Variants in PTGFR observed in about 807,000 individuals in gnomAD.
The protein encoded by PTGFR is prostaglandin F receptor.
A neutral mutation model predicts 26.2 loss-of-function variants in PTGFR; 15 were observed. The observed-to-expected ratio is 0.57, with a 90% CI of 0.38 to 0.88. The LOEUF (loss-of-function observed/expected upper bound fraction) is 0.88, where lower values mean the gene tolerates loss of function less well. Ranked by LOEUF, PTGFR falls within the 40% of genes least tolerant of loss-of-function variation. The probability of loss-of-function intolerance (pLI) is 0.00; values close to 1 mark genes in which losing one functional copy is unlikely to be tolerated. For missense variants in PTGFR, 369 were observed against 427.2 expected (o/e 0.86, Z 1.20); for synonymous variants, 165 against 151.1 (o/e 1.09, Z -0.68).
chr1:78,497,412 A>G (rs1014106007), intron 2 of PTGFR, among the ~76,000 whole-genome samples: 2 of 152,160 alleles, frequency 1.3e-5, no homozygotes, highest in African/African-American at 4.8e-5. Flanking sequence ...TTCTTCCTAG[A>G]TGAATCACTT....
At chr1:78,502,740 C>A (rs1649740166) in intron 2 of PTGFR, among the ~76,000 whole-genome samples, 1 of 152,104 alleles carries the variant, frequency 6.6e-6, no homozygotes, top group Admixed American at 6.6e-5. Flanking sequence ...ATTGATTTGA[C>A]AAACATTTAT....
chr1:78,491,325 C>G (rs1439879403), intron 1 of PTGFR, 89 bp downstream of exon 1: 1 of 152,666 alleles, frequency 6.6e-6, no homozygotes, highest in African/African-American at 2.4e-5. Flanking sequence ...GACACCCAGC[C>G]ACAGCTTCTG....
intron 1 of PTGFR, 47 bp downstream of exon 1, chr1:78,491,283 C>G (rs2100341248): frequency 6.6e-6 from 1 of 152,508 alleles, no homozygotes; most frequent in East Asian, 1.9e-4. Context: ...CTTCGCTTAT[C>G]TAGACCCAGA....
At chr1:78,513,094 G>T (rs1213421527) in intron 2 of PTGFR, among the ~76,000 whole-genome samples, 1 of 151,978 alleles carries the variant, frequency 6.6e-6, no homozygotes, top group African/African-American at 2.4e-5. Flanking sequence ...TGTGAGAAAG[G>T]ACTAACACAG....
intron 2 of PTGFR, among the ~76,000 whole-genome samples, chr1:78,526,663 G>C (rs1650382006): frequency 6.6e-6 from 1 of 152,044 alleles, no homozygotes; most frequent in Non-Finnish European, 1.5e-5. Context: ...ATATATCATT[G>C]TTTAGCAAGT....
At chr1:78,534,618 G>A (rs760719356) in intron 2 of PTGFR, among the ~76,000 whole-genome samples, 6 of 152,082 alleles carry the variant, frequency 3.9e-5, no homozygotes, top group Non-Finnish European at 7.4e-5. Context: ...AGTCTCTGTA[G>A]TTCTGCTCTC....
rs550290005 is a variant in PTGFR, at chr1:78,528,554, C to T, written c.799-7852C>T. Among the ~76,000 whole-genome samples the T allele has an allele frequency of 1.6e-4, 25 of 152,202 alleles. No homozygotes were observed. The South Asian group carries it at 4.1e-3, about 25-fold the overall frequency. ...GCTCAACTCTTTTCTGTGTGTTCCA[C>T]GTGCCTTAATTTGTTGGTCTTCTAG... On this transcript the variant is annotated intron_variant, in intron 2 of 2. Coordinates refer to ENST00000370757, the MANE Select transcript of PTGFR (RefSeq NM_000959.4).
chr1:78,501,347 AACCTGAT>A (rs934286411), intron 2 of PTGFR, among the ~76,000 whole-genome samples: 1 of 152,204 alleles, frequency 6.6e-6, no homozygotes, highest in African/African-American at 2.4e-5. Context: ...ACCCCAATTT[AACCTGAT>A]ACATCAGTGT....
At position 78,491,070 on chromosome 1, in the gene PTGFR, G is replaced by C. The variant is rs1050274883; in HGVS notation, c.-239G>C. On this transcript the variant is annotated 5_prime_UTR_variant, in exon 1 of 3. Transcript: ENST00000370757. Reference sequence around the variant, plus strand: ...CCCGCAGTTTCCGCGCTAAGGGAACGAGTGCGCGGAGGGGACGAGCGGCTG... The same window carrying C: ...CCCGCAGTTTCCGCGCTAAGGGAACCAGTGCGCGGAGGGGACGAGCGGCTG... 2 of 152,278 alleles carry C rather than the reference G, an allele frequency of 1.3e-5. No individual in the cohort carries two copies. Among genetic ancestry groups the C allele is most frequent in the Non-Finnish European group, 2.9e-5 (2 of 68,068 alleles). The allele number at this position is 152,278 out of a possible 1,614,324, so 9.4% of individuals were successfully genotyped here.
intron 2 of PTGFR, among the ~76,000 whole-genome samples, chr1:78,527,472 G>A (rs1650400069): frequency 6.6e-6 from 1 of 151,822 alleles, no homozygotes; most frequent in African/African-American, 2.4e-5. Flanking sequence ...GATTAATGAA[G>A]TATAAAAATG....
intron 2 of PTGFR, among the ~76,000 whole-genome samples, chr1:78,524,734 T>C (rs1650327130): frequency 6.6e-6 from 1 of 151,932 alleles, no homozygotes; most frequent in Non-Finnish European, 1.5e-5. Flanking sequence ...CCTTCCCTCT[T>C]GCTTTGGTTA....
At chr1:78,520,761 G>GT (rs1239053206) in intron 2 of PTGFR, among the ~76,000 whole-genome samples, 1 of 152,106 alleles carries the variant, frequency 6.6e-6, no homozygotes, top group South Asian at 2.1e-4. Flanking sequence ...CTAGTACGCT[G>GT]TTTTTTATGT....
At position 78,492,912 on chromosome 1, in the gene PTGFR, A is replaced by C. The variant is rs367629061; in HGVS notation, c.169A>C (p.Arg57=). The C allele has an allele frequency of 6.8e-6, 11 of 1,614,096 alleles. No homozygotes were observed. The highest frequency in any genetic ancestry group is 1.7e-6 in the Non-Finnish European group (2 of 1,180,054). Residue 57 remains arginine, a synonymous_variant, in exon 2 of 3, where the codon AGA becomes CGA. Coordinates refer to ENST00000370757, the MANE Select transcript of PTGFR (RefSeq NM_000959.4). ...CGCCATTCTCATGAAGGCATATCAG[A>C]GATTTAGACAGAAGTCCAAGGCATC... ...AIAILMKAYQ[R]FRQKSKASFL...
At chr1:78,535,870 G>T (rs1208208602) in intron 2 of PTGFR, among the ~76,000 whole-genome samples, 2 of 152,112 alleles carry the variant, frequency 1.3e-5, no homozygotes, top group Non-Finnish European at 2.9e-5. Flanking sequence ...CCAAGTTAAG[G>T]CTAAGGCTAA....
At position 78,493,429 on chromosome 1, in the gene PTGFR, G is replaced by A. The variant is rs778857364; in HGVS notation, c.686G>A (p.Arg229Lys). The A allele has an allele frequency of 2.2e-5, 36 of 1,612,934 alleles. No homozygotes were observed. Among genetic ancestry groups the A allele is most frequent in the Non-Finnish European group, 3.1e-5 (36 of 1,179,390 alleles). Residue 229 changes from arginine (R) to lysine (K), a missense_variant, in exon 2 of 3, where the codon AGA (arginine) becomes AAA (lysine). Arg to Lys is a conservative substitution (Grantham distance 26). Transcript: ENST00000370757. ...CNAITGITLL[R>K]VKFKSQQHRQ... is the part of the protein sequence containing the mutation. ...GCAATCACAGGAATTACACTTTTAA[G>A]AGTTAAATTTAAAAGTCAGCAGCAC...
At chr1:78,531,984 A>G (rs1000911282) in intron 2 of PTGFR, among the ~76,000 whole-genome samples, 1 of 152,060 alleles carries the variant, frequency 6.6e-6, no homozygotes, top group Non-Finnish European at 1.5e-5. Flanking sequence ...ATAGAATGAG[A>G]CATTACTCAG....
At chr1:78,503,037 G>A (rs1366083807) in intron 2 of PTGFR, among the ~76,000 whole-genome samples, 10 of 152,032 alleles carry the variant, frequency 6.6e-5, no homozygotes, top group South Asian at 2.1e-4. Flanking sequence ...AAATGTAATC[G>A]AAAGTCAATT....
rs187052790 is a variant in PTGFR, at chr1:78,496,261, C to G, written c.798+2720C>G. On this transcript the variant is annotated intron_variant, in intron 2 of 2. Transcript: ENST00000370757. ...TACTAATACTTCAGTTGAATATTTTCTCTTTTTTTCTCTCACATATCTAGG... is the reference window on the plus strand; with the variant it reads ...TACTAATACTTCAGTTGAATATTTTGTCTTTTTTTCTCTCACATATCTAGG... Among the ~76,000 whole-genome samples the G allele has an allele frequency of 2.9e-3, 437 of 152,264 alleles. 4 individuals carry two copies. Among genetic ancestry groups the G allele is most frequent in the African/African-American group, 0.01 (425 of 41,546 alleles).
rs1650688489 is a variant in PTGFR, at chr1:78,537,582, C to G, written c.*895C>G. On this transcript the variant is annotated 3_prime_UTR_variant, in exon 3 of 3. Coordinates refer to ENST00000370757, the MANE Select transcript of PTGFR (RefSeq NM_000959.4). ...TGGCAAAAGGTGCTTTACCTTGAGC[C>G]ATTATTTGTGTCAGAGAACAAAAGA... 1 of 152,058 alleles carries G rather than the reference C, an allele frequency of 6.6e-6. No individual in the cohort carries two copies. The highest frequency in any genetic ancestry group is 2.1e-4 in the South Asian group (1 of 4,832). The allele number at this position is 152,058 out of a possible 1,614,324, so 9.4% of individuals were successfully genotyped here. A position where few individuals can be genotyped will look rare whatever the true frequency, so the allele number is the denominator to read the frequency against.
Sources: allele counts gnomAD v4.1 joint callset (sites outside exome capture counted in the v4.1 genomes callset), GRCh38; gene constraint gnomAD v4.1.1; transcripts MANE v1.5; gene names NCBI Gene and HGNC (gene_info 2026-07-23, HGNC 2026-07-21).